HSPH1: variants seen among roughly 807,000 people sequenced by gnomAD.
HSPH1 encodes the protein heat shock protein family H (Hsp110) member 1.
HSPH1 carries 40 observed loss-of-function variants against 100.0 expected under a neutral mutation model. The observed-to-expected ratio is 0.40, with a 90% confidence interval of 0.31 to 0.52. The LOEUF (loss-of-function observed/expected upper bound fraction) is 0.52, where lower values mean the gene tolerates loss of function less well. Ranked by LOEUF, HSPH1 falls within the 20% of genes least tolerant of loss-of-function variation. The pLI is 0.54. For synonymous variants in HSPH1, 403 were observed against 344.0 expected (o/e 1.17, Z -1.90); for missense variants, 876 against 1,015.1 (o/e 0.86, Z 1.86).
chr13:31,151,025 A>G lies in HSPH1; in HGVS notation c.830T>C (p.Met277Thr), dbSNP rs1956467738. The G allele has an allele frequency of 1.9e-6, 3 of 1,613,626 alleles. No individual in the cohort carries two copies. Among genetic ancestry groups the G allele is most frequent in the African/African-American group, 1.3e-5 (1 of 74,926 alleles). ...TGGAAGGTCTGTGCTGTTAGAGCTC[A>G]TTAGCTTTTTCAGTTTTTCACATTC... ...YQECEKLKKL[M>T]SSNSTDLPLN... is the part of the protein sequence containing the mutation. The change falls in exon 7 of 18, where the codon ATG becomes ACG. Residue 277 changes from methionine to threonine, a missense_variant. Met to Thr is a moderately conservative substitution (Grantham distance 81). Transcript: ENST00000320027.
chr13:31,151,536 T>C, intron 6 of HSPH1, 73 bp downstream of exon 6: 1 of 1,397,980 alleles, frequency 7.2e-7, no homozygotes, highest in Non-Finnish European at 9.7e-7. Flanking sequence ...AAAAGCCTAG[T>C]AAAGAGGCTC....
In HSPH1 at chr13:31,161,557, C is replaced by A; in HGVS notation, c.26G>T (p.Gly9Val). MSVVGLDVGSQSCYIAVAR... is the reference protein window; with the variant it reads MSVVGLDVVSQSCYIAVAR... The stretch of plus-strand genomic sequence containing the variant: ...TACCGCGATGTAGCAGCTCTGCGAG[C>A]CCACGTCCAACCCCACCACCGACAT... Residue 9 changes from glycine to valine, a missense_variant, in exon 1 of 18, where the codon GGC becomes GTC. Coordinates refer to ENST00000320027, the MANE Select transcript of HSPH1 (RefSeq NM_006644.4). The A allele has an allele frequency of 6.2e-7, 1 of 1,613,808 alleles. No individual in the cohort carries two copies. Among genetic ancestry groups the A allele is most frequent in the Non-Finnish European group, 8.5e-7 (1 of 1,179,906 alleles).
intron 4 of HSPH1, 154 bp downstream of exon 4, chr13:31,154,479 C>T: frequency 4.7e-6 from 4 of 850,704 alleles, no homozygotes; most frequent in Non-Finnish European, 7.6e-6. Context: ...TCACTCAAAT[C>T]TACTTTGTAA....
chr13:31,162,094 T>C, upstream of HSPH1: 1 of 1,536,092 alleles, frequency 6.5e-7, no homozygotes, highest in Non-Finnish European at 8.7e-7. Context: ...GCCGTTGCCA[T>C]GGCAGCGACA....
Position 31,141,187 on chromosome 13 carries a change from G to A in HSPH1, c.1789C>T (p.Pro597Ser). ...TGCCAGACCAAGTTGGCTTCAATAG[G>A]CAGCTCAACATTCACCACCTTTATT... ...PKIKVVNVEL[P>S]IEANLVWQLG... Residue 597 changes from proline (P) to serine (S), a missense_variant, in exon 13 of 18, where the codon CCT becomes TCT. Transcript: ENST00000320027. 1 of 1,609,748 alleles carries A rather than the reference G, an allele frequency of 6.2e-7. No individual in the cohort carries two copies. The highest frequency in any genetic ancestry group is 1.1e-5 in the South Asian group (1 of 90,380).
chr13:31,149,902 T>C (rs975926969), intron 8 of HSPH1, 52 bp downstream of exon 8: 22 of 1,396,026 alleles, frequency 1.6e-5, no homozygotes, highest in Non-Finnish European at 2.2e-5. Flanking sequence ...CGACATCCAG[T>C]GGAAACTGTT....
At chr13:31,161,225 C>G (rs1048223282) in intron 1 of HSPH1, among the ~76,000 whole-genome samples, 1 of 152,172 alleles carries the variant, frequency 6.6e-6, no homozygotes, top group Non-Finnish European at 1.5e-5. Context: ...AGGTGACGAC[C>G]CTTAGAGTCT....
chr13:31,154,647 C>G lies in HSPH1; in HGVS notation c.415G>C (p.Asp139His), dbSNP rs1332777060. ...ATTATACTTACTGAAATAACACAAT[C>G]TGTTACTGGTTTCTTGAGGCTGTTT... ...AENSLKKPVT[D>H]CVISVPSFFT... The change falls in exon 4 of 18, where the codon GAT (aspartate) becomes CAT (histidine). Residue 139 changes from aspartate (D) to histidine (H), a missense_variant. Transcript: ENST00000320027. 6.2e-7 allele frequency: 1 copy of G among 1,614,052 alleles called. No individual in the cohort carries two copies. The highest frequency in any genetic ancestry group is 1.7e-5 in the Admixed American group (1 of 60,026).
At position 31,154,965 on chromosome 13, in the gene HSPH1, G is replaced by C. The variant is rs190583300; in HGVS notation, c.307-210C>G. Reference sequence around the variant, plus strand: ...GAAAAGAGAAAAAAAGAAAAAGGAAGAAAGAACTTCTACCTAAAGATGAAG... The same window carrying C: ...GAAAAGAGAAAAAAAGAAAAAGGAACAAAGAACTTCTACCTAAAGATGAAG... On this transcript the variant is annotated intron_variant, in intron 3 of 17. Transcript: ENST00000320027. Among the ~76,000 whole-genome samples the C allele has an allele frequency of 1.0e-3, 155 of 152,172 alleles. 2 individuals are homozygous for C. Among genetic ancestry groups the C allele is most frequent in the Non-Finnish European group, 1.3e-4 (9 of 67,982 alleles).
chr13:31,161,446 T>TC, intron 1 of HSPH1, 30 bp downstream of exon 1: 2 of 1,612,738 alleles, frequency 1.2e-6, no homozygotes, highest in Non-Finnish European at 1.7e-6. Flanking sequence ...CAGAACCTCC[T>TC]CCCATCCACC....
intron 9 of HSPH1, 109 bp downstream of exon 9, chr13:31,148,265 A>G: frequency 1.0e-6 from 1 of 1,002,368 alleles, no homozygotes; most frequent in Non-Finnish European, 1.5e-6. Flanking sequence ...ATTCCAGGTA[A>G]ATTAATGACT....
upstream of HSPH1, chr13:31,162,165 C>T (rs1956949031): frequency 1.5e-6 from 2 of 1,347,980 alleles, no homozygotes; most frequent in Non-Finnish European, 1.0e-6. Flanking sequence ...TAGCCACAGG[C>T]GTTTTGCTGC....
chr13:31,141,718 C>A (rs1956097493), intron 12 of HSPH1, among the ~76,000 whole-genome samples: 1 of 151,852 alleles, frequency 6.6e-6, no homozygotes, highest in Non-Finnish European at 1.5e-5. Context: ...GCTTTAATTA[C>A]AACTAGCACT....
At chr13:31,150,799 G>C in intron 7 of HSPH1, 148 bp downstream of exon 7, 1 of 737,838 alleles carries the variant, frequency 1.4e-6, no homozygotes, top group Non-Finnish European at 2.2e-6. Context: ...AGAGCTAGTG[G>C]TGATAAACAA....
At chr13:31,144,928 A>T (rs1956217557) in intron 11 of HSPH1, among the ~76,000 whole-genome samples, 1 of 152,172 alleles carries the variant, frequency 6.6e-6, no homozygotes, top group Admixed American at 6.5e-5. Flanking sequence ...ATCTTAACTA[A>T]AACACCACAC....
intron 12 of HSPH1, among the ~76,000 whole-genome samples, chr13:31,142,568 C>T (rs1242219720): frequency 3.3e-5 from 5 of 152,040 alleles, no homozygotes; most frequent in Non-Finnish European, 7.4e-5. Flanking sequence ...AGCACATGTA[C>T]GGAAGTTAAA....
At position 31,149,114 on chromosome 13, in the gene HSPH1, A is replaced by C. The variant is rs553128728; in HGVS notation, c.1138-634T>G. 3.5e-4 allele frequency among the ~76,000 whole-genome samples: 54 copies of C among 152,290 alleles called. 1 individual carries two copies. In the South Asian group the frequency reaches 0.01, roughly 29 times the overall value. On this transcript the variant is annotated intron_variant, in intron 8 of 17. Transcript: ENST00000320027. ...TTAGCTCTACTTCTGAAGAAAATAT[A>C]AACTTCCATCATTTGAAGGAATCAG... is the stretch of plus-strand genomic sequence containing the variant.
At position 31,135,407 on chromosome 13, in the gene HSPH1, G is replaced by A. The variant is rs1473857661; in HGVS notation, c.*1911C>T. 6.6e-6 allele frequency: 1 copy of A among 152,104 alleles called. No homozygotes were observed. The highest frequency in any genetic ancestry group is 1.5e-5 in the Non-Finnish European group (1 of 68,020). The allele number at this position is 152,104 out of a possible 1,614,324, so 9.4% of individuals were successfully genotyped here. A position where few individuals can be genotyped will look rare whatever the true frequency, so the allele number is the denominator to read the frequency against. ...CATTAATGTGCATTAAAGACATTCA[G>A]AAAACATAAAAACCAAAGAAACATA... On this transcript the variant is annotated 3_prime_UTR_variant, in exon 18 of 18. Transcript: ENST00000320027.
intron 6 of HSPH1, 58 bp downstream of exon 6, chr13:31,151,551 G>A: frequency 6.6e-7 from 1 of 1,508,116 alleles, no homozygotes. Flanking sequence ...AGGCTCAGTA[G>A]CTTAAAGTCA....
Sources: gnomAD v4.1 joint callset for allele counts (sites outside exome capture counted in the v4.1 genomes callset) on GRCh38, gnomAD v4.1.1 for gene constraint, MANE v1.5 for transcripts, NCBI Gene and HGNC (gene_info 2026-07-23, HGNC 2026-07-21) for gene names.